The following GLCCI1 variants were observed in gnomAD, a reference collection of about 807,000 sequenced individuals.
The protein encoded by GLCCI1 is glucocorticoid induced 1, also known as glucocorticoid-induced transcript 1 protein.
A neutral mutation model predicts 52.2 loss-of-function variants in GLCCI1; 24 were observed. That is an observed-to-expected ratio of 0.46 (90% CI 0.33 to 0.65). GLCCI1 has a LOEUF of 0.65. GLCCI1 is among the 30% of genes least tolerant of loss of function. The probability of loss-of-function intolerance (pLI) is 0.02; values close to 1 mark genes in which losing one functional copy is unlikely to be tolerated. For synonymous variants in GLCCI1, 310 were observed against 276.5 expected, an observed-to-expected ratio of 1.12 and a Z score of -1.20; for missense variants, 704 against 701.5, an observed-to-expected ratio of 1.00 and a Z score of -0.04.
At chr7:8,007,956 A>T (rs912241792) in intron 2 of GLCCI1, among the ~76,000 whole-genome samples, 1 of 152,236 alleles carries the variant, frequency 6.6e-6, no homozygotes, top group East Asian at 1.9e-4. Context: ...TAATTAAAAA[A>T]GTAGTTAATT....
chr7:7,995,652 C>CA (rs1239022884), intron 1 of GLCCI1, among the ~76,000 whole-genome samples: 1 of 152,044 alleles, frequency 6.6e-6, no homozygotes, highest in African/African-American at 2.4e-5. Flanking sequence ...ATTGCAAGGA[C>CA]AAAAAACCAA....
chr7:8,085,345 T>C (rs1340686753), intron 7 of GLCCI1, among the ~76,000 whole-genome samples: 1 of 152,200 alleles, frequency 6.6e-6, no homozygotes, highest in Non-Finnish European at 1.5e-5. Context: ...TTAATATCCG[T>C]GTGTGACTAG....
chr7:8,057,163 T>C (rs1166391411), intron 4 of GLCCI1, among the ~76,000 whole-genome samples: 1 of 152,138 alleles, frequency 6.6e-6, no homozygotes, highest in African/African-American at 2.4e-5. Flanking sequence ...GTTAAACATA[T>C]GCTGACCGTT....
Position 8,003,599 on chromosome 7 carries a change from G to A in GLCCI1, c.458-309G>A, listed in dbSNP as rs539105807. On this transcript the variant is annotated intron_variant, in intron 1 of 7. Coordinates refer to ENST00000223145, the MANE Select transcript of GLCCI1 (RefSeq NM_138426.4). ...AGGGATAGCAGTTAGAAAACTGGCA[G>A]TTCAGGTGAGACATGAATGGGAGTC... Among the ~76,000 whole-genome samples the A allele has an allele frequency of 3.3e-5, 5 of 152,314 alleles. No homozygotes were observed. In the South Asian group the frequency reaches 1.0e-3, roughly 32 times the overall value.
chr7:7,987,053 G>T (rs1328406628), intron 1 of GLCCI1, among the ~76,000 whole-genome samples: 1 of 151,912 alleles, frequency 6.6e-6, no homozygotes. Context: ...TCATTATACT[G>T]CTATAAGTAC....
intron 5 of GLCCI1, among the ~76,000 whole-genome samples, chr7:8,068,625 T>A (rs927391216): frequency 9.2e-5 from 14 of 152,196 alleles, no homozygotes; most frequent in African/African-American, 2.9e-4. Context: ...TATTATGAAT[T>A]CTTTCTGTCA....
intron 3 of GLCCI1, among the ~76,000 whole-genome samples, chr7:8,041,870 G>C (rs1328065082): frequency 2.0e-5 from 3 of 152,132 alleles, no homozygotes; most frequent in Non-Finnish European, 4.4e-5. Context: ...GGAATCACAA[G>C]TATGAGCCAC....
At chr7:7,978,850 A>G (rs7792118) in intron 1 of GLCCI1, among the ~76,000 whole-genome samples, 5,407 of 152,274 alleles carry the variant, frequency 0.036, 300 homozygotes, top group African/African-American at 0.12. Context: ...TCCTCATACA[A>G]ACTTGTGAAG....
At chr7:8,085,064 C>G (rs751040129) in intron 7 of GLCCI1, 47 bp downstream of exon 7, 2 of 1,606,288 alleles carry the variant, frequency 1.2e-6, no homozygotes, top group African/African-American at 1.3e-5. Flanking sequence ...AGCTGTAAAG[C>G]TTTTTACTGA....
At chr7:8,077,881 G>A (rs750737363) in intron 6 of GLCCI1, among the ~76,000 whole-genome samples, 6 of 152,156 alleles carry the variant, frequency 3.9e-5, no homozygotes, top group Non-Finnish European at 7.3e-5. Flanking sequence ...GAAATTGAAC[G>A]GTTGGGGTAT....
intron 1 of GLCCI1, among the ~76,000 whole-genome samples, chr7:8,000,774 A>T (rs1781036057): frequency 6.6e-6 from 1 of 152,086 alleles, no homozygotes; most frequent in Non-Finnish European, 1.5e-5. Context: ...ATCTATATGT[A>T]CCCTTTACCA....
chr7:8,022,101 G>C (rs1245740770), intron 2 of GLCCI1, among the ~76,000 whole-genome samples: 1 of 152,062 alleles, frequency 6.6e-6, no homozygotes, highest in Non-Finnish European at 1.5e-5. Context: ...TATTGCTTTT[G>C]AGATACTTTT....
At chr7:7,984,509 A>G (rs73242019) in intron 1 of GLCCI1, among the ~76,000 whole-genome samples, 5,102 of 152,306 alleles carry the variant, frequency 0.033, 271 homozygotes, top group African/African-American at 0.11. Context: ...ATTAATTTGA[A>G]CTTCATCGTA....
intron 3 of GLCCI1, among the ~76,000 whole-genome samples, chr7:8,055,220 C>T (rs546411279): frequency 1.2e-3 from 177 of 152,250 alleles, no homozygotes; most frequent in Non-Finnish European, 2.4e-3. Context: ...TAACACTATT[C>T]AAATTTGTAG....
At position 8,086,007 on chromosome 7, in the gene GLCCI1, G is replaced by T. The variant is rs1251548392; in HGVS notation, c.1299-186G>T. 6.6e-6 allele frequency among the ~76,000 whole-genome samples: 1 copy of T among 152,118 alleles called. No individual in the cohort carries two copies. Among genetic ancestry groups the T allele is most frequent in the African/African-American group, 2.4e-5 (1 of 41,426 alleles). On this transcript the variant is annotated intron_variant, in intron 7 of 7. Transcript: ENST00000223145. The surrounding 1 kb of genome is among the most constrained non-coding windows in gnomAD (Gnocchi z 4.4). ...TCCTTTTGTCTCAAATACCACTTCA[G>T]TGCTGTGTGCATGAATAGTCTGCCA...
intron 6 of GLCCI1, among the ~76,000 whole-genome samples, chr7:8,084,188 T>TCAC (rs1783052095): frequency 6.6e-6 from 1 of 152,210 alleles, no homozygotes; most frequent in Admixed American, 6.5e-5. Flanking sequence ...GCATATGGGT[T>TCAC]TTATGGCTTT....
At chr7:7,983,248 T>G (rs1392337195) in intron 1 of GLCCI1, among the ~76,000 whole-genome samples, 1 of 152,104 alleles carries the variant, frequency 6.6e-6, no homozygotes, top group African/African-American at 2.4e-5. Context: ...TGTAGGAATT[T>G]TAGGAAATAG....
At chr7:7,989,698 G>A (rs777214801) in intron 1 of GLCCI1, among the ~76,000 whole-genome samples, 58 of 152,196 alleles carry the variant, frequency 3.8e-4, no homozygotes, top group Non-Finnish European at 6.6e-4. Flanking sequence ...TTTAACAACT[G>A]TTTTGTAAGT....
At chr7:8,048,232 T>A (rs574054615) in intron 3 of GLCCI1, among the ~76,000 whole-genome samples, 7 of 152,312 alleles carry the variant, frequency 4.6e-5, no homozygotes, top group African/African-American at 1.7e-4. Context: ...CAGTTATTTC[T>A]GGGTTAGTGT....
Sources: gnomAD v4.1 joint callset for allele counts (sites outside exome capture counted in the v4.1 genomes callset) on GRCh38, gnomAD v4.1.1 for gene constraint, Gnocchi (gnomAD v3.1) non-coding constraint, MANE v1.5 for transcripts, NCBI Gene and HGNC (gene_info 2026-07-23, HGNC 2026-07-21) for gene names.